The following CERKL variants were observed in gnomAD, a reference collection of about 807,000 sequenced individuals.
CERKL encodes ceramide kinase-like protein.
In CERKL, 61 loss-of-function variants were observed where a neutral mutation model predicts 63.4. The observed-to-expected ratio is 0.96, with a 90% confidence interval of 0.78 to 1.19. The LOEUF (loss-of-function observed/expected upper bound fraction) is 1.19, where lower values mean the gene tolerates loss of function less well. Ranked by LOEUF, CERKL falls within the 50% of genes most tolerant of loss-of-function variation. CERKL has a pLI of 0.00. For missense variants in CERKL, 675 were observed against 655.5 expected, an observed-to-expected ratio of 1.03 and a Z score of -0.33; for synonymous variants, 250 against 230.5, an observed-to-expected ratio of 1.08 and a Z score of -0.77.
rs1243896474 is a variant in CERKL at position 181,550,938 on chromosome 2, A to G, written c.821-1230T>C. ...TCACCAAAAGGCAAGTTATGCTGTGACCCTTGTTACTCAAAATACGGCCTA... is the reference window on the plus strand; with the variant it reads ...TCACCAAAAGGCAAGTTATGCTGTGGCCCTTGTTACTCAAAATACGGCCTA... On this transcript the variant is annotated intron_variant, in intron 5 of 12. Coordinates refer to ENST00000410087, the MANE Select transcript of CERKL (RefSeq NM_201548.5). This position sits in a 1 kb window ranked among gnomAD's most constrained non-coding sequence, Gnocchi z 4.5. 6.6e-6 allele frequency among the ~76,000 whole-genome samples: 1 copy of G among 152,130 alleles called. No individual in the cohort carries two copies. The highest frequency in any genetic ancestry group is 1.5e-5 in the Non-Finnish European group (1 of 68,016).
intron 1 of CERKL, among the ~76,000 whole-genome samples, chr2:181,625,367 C>CA (rs935473157): frequency 0.03 from 3,925 of 128,790 alleles, 68 homozygotes; most frequent in Non-Finnish European, 0.041. Flanking sequence ...GTGGGGTGAG[C>CA]AAAAAAAAAA....
chr2:181,626,306 G>C (rs1686700816), intron 1 of CERKL, among the ~76,000 whole-genome samples: 1 of 151,906 alleles, frequency 6.6e-6, no homozygotes, highest in African/African-American at 2.4e-5. Flanking sequence ...TGCAGTAGAA[G>C]TGAATAATGA....
intron 5 of CERKL, among the ~76,000 whole-genome samples, chr2:181,551,126 T>G (rs994183087): frequency 4.6e-5 from 7 of 152,226 alleles, no homozygotes; most frequent in African/African-American, 1.7e-4. Context: ...GAGAAAGAAA[T>G]AAAAGGCTTG....
intron 1 of CERKL, among the ~76,000 whole-genome samples, chr2:181,611,325 T>TA (rs1020594346): frequency 3.7e-4 from 56 of 151,846 alleles, no homozygotes; most frequent in Admixed American, 5.2e-4. Context: ...TTGGTTTTGT[T>TA]AAAAAAAAGT....
Position 181,656,880 on chromosome 2 carries a change from C to A in CERKL, c.127G>T (p.Ala43Ser), listed in dbSNP as rs1159190434. Residue 43 changes from alanine (A) to serine (S), a missense_variant, in exon 1 of 13, where the codon GCC (alanine) becomes TCC (serine). Ala to Ser is a moderately conservative substitution (Grantham distance 99). Coordinates refer to ENST00000410087, the MANE Select transcript of CERKL (RefSeq NM_201548.5). ...LTSPQQTEAA[A>S]ERILLRGIFE... ...ATGCCCCGGAGCAGAATCCGCTCGG[C>A]CGCCGCCTCCGTCTGCTGCGGGGAC... 4 of 1,605,230 alleles carry A rather than the reference C, an allele frequency of 2.5e-6. No homozygotes were observed. Among genetic ancestry groups the A allele is most frequent in the Non-Finnish European group, 3.4e-6 (4 of 1,174,824 alleles).
chr2:181,618,768 C>A (rs1686323578), intron 1 of CERKL, among the ~76,000 whole-genome samples: 1 of 152,196 alleles, frequency 6.6e-6, no homozygotes, highest in Admixed American at 6.5e-5. Context: ...TCTAATACAA[C>A]AAATATCAAT....
intron 2 of CERKL, among the ~76,000 whole-genome samples, chr2:181,603,520 A>G (rs756262448): frequency 3.3e-5 from 5 of 152,284 alleles, no homozygotes; most frequent in Non-Finnish European, 5.9e-5. Context: ...ATATTAACAA[A>G]CCAAATTCAA....
rs372755116 is a variant in CERKL at position 181,547,682 on chromosome 2, C to T, written c.1204G>A (p.Val402Ile). 5.0e-6 allele frequency: 8 copies of T among 1,614,056 alleles called. No individual in the cohort carries two copies. In the Middle Eastern group the frequency reaches 4.9e-4, roughly 100 times the overall value. Residue 402 changes from valine (V) to isoleucine (I), a missense_variant, in exon 10 of 13, where the codon GTC becomes ATC. Physicochemically the swap from Val to Ile is conservative, Grantham distance 29 (BLOSUM62 3). Transcript: ENST00000410087. ...WQMIQGQFLN[V>I]SIMAIPCLCS... ...AGGCAAGGAATTGCCATAATGCTGA[C>T]ATTCAAGAACTGACCCTGGATCATT...
chr2:181,625,622 G>C (rs561056040), intron 1 of CERKL, among the ~76,000 whole-genome samples: 2 of 152,116 alleles, frequency 1.3e-5, no homozygotes, highest in African/African-American at 4.8e-5. Context: ...AAATGGCATC[G>C]TGTTCTCAGA....
chr2:181,596,426 T>G lies in CERKL; in HGVS notation c.481+7411A>C, dbSNP rs185312028. ...TTATCCCAAGTATAAATAGAATGAA[T>G]CACTTCTGAAGAGCTAATTGCTTTT... On this transcript the variant is annotated intron_variant, in intron 2 of 12. Coordinates refer to ENST00000410087, the MANE Select transcript of CERKL (RefSeq NM_201548.5). Among the ~76,000 whole-genome samples the G allele has an allele frequency of 2.6e-5, 4 of 152,256 alleles. No individual in the cohort carries two copies. In the East Asian group the frequency reaches 5.8e-4, roughly 22 times the overall value.
At chr2:181,580,510 A>G (rs1301768056) in intron 2 of CERKL, among the ~76,000 whole-genome samples, 1 of 152,164 alleles carries the variant, frequency 6.6e-6, no homozygotes, top group Admixed American at 6.5e-5. Context: ...TTTCTTCAGC[A>G]GTCTACTTAC....
intron 12 of CERKL, 119 bp from the exon 13 acceptor site, chr2:181,538,363 C>A: frequency 1.6e-6 from 1 of 642,856 alleles, no homozygotes; most frequent in South Asian, 1.8e-5. Flanking sequence ...GCATTCCCAA[C>A]AGAGCTGTAA....
At chr2:181,616,345 C>T (rs1346813954) in intron 1 of CERKL, among the ~76,000 whole-genome samples, 2 of 151,238 alleles carry the variant, frequency 1.3e-5, no homozygotes, top group South Asian at 2.1e-4. Flanking sequence ...TCCCAAGTAG[C>T]TAGGACCACA....
intron 2 of CERKL, among the ~76,000 whole-genome samples, chr2:181,596,447 C>T (rs59226213): frequency 0.18 from 27,590 of 152,040 alleles, 4,013 homozygotes; most frequent in African/African-American, 0.4. Flanking sequence ...GAGCTAATTG[C>T]TTTTAGCTGA....
intron 1 of CERKL, chr2:181,649,919 C>CAGGCACAGTGACACACACCTGT (rs1336958763): frequency 2.6e-5 from 4 of 152,652 alleles, no homozygotes; most frequent in Non-Finnish European, 4.4e-5. Context: ...CAAATTTAAC[C>CAGGCACAGTGACACACACCTGT]AGGCACAGTG....
At chr2:181,644,176 C>T (rs895213703) in intron 1 of CERKL, among the ~76,000 whole-genome samples, 2 of 152,222 alleles carry the variant, frequency 1.3e-5, no homozygotes, top group Non-Finnish European at 2.9e-5. Flanking sequence ...TTTGACTTCT[C>T]ACACCCAGTC....
chr2:181,591,146 G>T (rs1171573204), intron 2 of CERKL, among the ~76,000 whole-genome samples: 2 of 152,030 alleles, frequency 1.3e-5, no homozygotes, highest in Non-Finnish European at 2.9e-5. Context: ...AAGGAAAGTG[G>T]CAAAGTACAT....
chr2:181,608,223 G>A (rs1182829321), intron 1 of CERKL, among the ~76,000 whole-genome samples: 8 of 151,660 alleles, frequency 5.3e-5, no homozygotes, highest in African/African-American at 1.2e-4. Flanking sequence ...TATTCTAAAC[G>A]GTTGTCTATT....
Position 181,537,734 on chromosome 2 carries a change from C to T in CERKL, c.*450G>A, listed in dbSNP as rs202167389. ...AGTTTTTTTGTGTGTCCAATAAACA[C>T]ATTGTAAAAAAAAGAATTTGAATTG... On this transcript the variant is annotated 3_prime_UTR_variant, in exon 13 of 13. Transcript: ENST00000410087. 3.4e-5 allele frequency: 15 copies of T among 439,380 alleles called. No homozygotes were observed. Among genetic ancestry groups the T allele is most frequent in the Middle Eastern group, 7.4e-4 (1 of 1,348 alleles). The allele number at this position is 439,380 out of a possible 1,614,324, so 27.2% of individuals were successfully genotyped here.
Sources: gnomAD v4.1 joint callset for allele counts (sites outside exome capture counted in the v4.1 genomes callset) on GRCh38, gnomAD v4.1.1 for gene constraint, Gnocchi (gnomAD v3.1) non-coding constraint, MANE v1.5 for transcripts, NCBI Gene and HGNC (gene_info 2026-07-23, HGNC 2026-07-21) for gene names.